The following PRRC2C variants were observed in gnomAD, a reference collection of about 807,000 sequenced individuals.
PRRC2C encodes the protein protein PRRC2C.
A neutral mutation model predicts 317.2 loss-of-function variants in PRRC2C; 72 were observed. The observed-to-expected ratio is 0.23, with a 90% confidence interval of 0.19 to 0.28. PRRC2C has a LOEUF of 0.28. Ranked by LOEUF, PRRC2C falls within the 10% of genes least tolerant of loss-of-function variation. The pLI is 1.00. For synonymous variants in PRRC2C, 1,296 were observed against 1,205.9 expected (o/e 1.07, Z -1.55); for missense variants, 3,074 against 3,459.7 (o/e 0.89, Z 2.80).
At chr1:171,546,528 T>C (rs1002475441) in intron 17 of PRRC2C, among the ~76,000 whole-genome samples, 1 of 152,234 alleles carries the variant, frequency 6.6e-6, no homozygotes, top group Non-Finnish European at 1.5e-5. Context: ...TGACCAGTGG[T>C]TCTCAAAGTG....
chr1:171,499,438 T>C (rs1205392208), intron 1 of PRRC2C, among the ~76,000 whole-genome samples: 2 of 152,200 alleles, frequency 1.3e-5, no homozygotes, highest in East Asian at 3.9e-4. Flanking sequence ...TTACTGATAA[T>C]ATTTGAAGCA....
intron 28 of PRRC2C, among the ~76,000 whole-genome samples, chr1:171,582,865 A>AT (rs913604406): frequency 1.3e-5 from 2 of 151,714 alleles, no homozygotes; most frequent in Non-Finnish European, 2.9e-5. Context: ...GTTAAAAAAA[A>AT]AAAAACAAAT....
chr1:171,586,551 TTTTATTTTATTTTA>T (rs1175055048), intron 30 of PRRC2C, among the ~76,000 whole-genome samples: 2 of 93,394 alleles, frequency 2.1e-5, no homozygotes, highest in African/African-American at 8.6e-5. Flanking sequence ...ATGTATTTTA[TTTTATTTTATTTTA>T]TTTTATTTTA....
intron 1 of PRRC2C, among the ~76,000 whole-genome samples, chr1:171,491,345 C>T (rs986623812): frequency 6.6e-6 from 1 of 152,194 alleles, no homozygotes; most frequent in African/African-American, 2.4e-5. Flanking sequence ...AGATGCTGGA[C>T]TGAAGGAAGC....
At chr1:171,521,415 C>G (rs1026052907) in intron 6 of PRRC2C, among the ~76,000 whole-genome samples, 3 of 152,136 alleles carry the variant, frequency 2.0e-5, no homozygotes, top group Non-Finnish European at 2.9e-5. Flanking sequence ...TTTCCCAGAG[C>G]CAAGTTCCTA....
chr1:171,542,043 T>C lies in PRRC2C; in HGVS notation c.4577T>C (p.Val1526Ala). The C allele has an allele frequency of 6.2e-7, 1 of 1,613,046 alleles. No homozygotes were observed. Among genetic ancestry groups the C allele is most frequent in the Non-Finnish European group, 8.5e-7 (1 of 1,179,694 alleles). The change falls in exon 16 of 35, where the codon GTT becomes GCT. Residue 1526 changes from valine to alanine, a missense_variant. By Grantham distance (64) the Val-to-Ala change is moderately conservative. Coordinates refer to ENST00000647382, the MANE Select transcript of PRRC2C (RefSeq NM_001387844.1). ...AATGCTGACTTGAATGCACAAACAG[T>C]TGTAAAGGTTGGAGAGAATGTTCTA... ...KKNADLNAQTVVKVGENVLPP... is the reference protein window; with the variant it reads ...KKNADLNAQTAVKVGENVLPP...
chr1:171,556,177 C>T (rs1041339001), intron 18 of PRRC2C, among the ~76,000 whole-genome samples: 3 of 152,218 alleles, frequency 2.0e-5, no homozygotes, highest in East Asian at 1.9e-4. Context: ...AGTTTGATCT[C>T]GGACTGCTGC....
chr1:171,552,255 T>C (rs1165992606), intron 18 of PRRC2C, among the ~76,000 whole-genome samples: 2 of 152,092 alleles, frequency 1.3e-5, no homozygotes, highest in Non-Finnish European at 2.9e-5. Flanking sequence ...ATGATTTGGC[T>C]CTCTGTTTGT....
At chr1:171,488,975 A>G (rs917344314) in intron 1 of PRRC2C, among the ~76,000 whole-genome samples, 6 of 152,230 alleles carry the variant, frequency 3.9e-5, no homozygotes, top group African/African-American at 1.4e-4. Flanking sequence ...TATGTAGCAT[A>G]CTACATAGCA....
At chr1:171,565,248 T>G (rs1262260077) in intron 20 of PRRC2C, among the ~76,000 whole-genome samples, 1 of 152,200 alleles carries the variant, frequency 6.6e-6, no homozygotes, top group Non-Finnish European at 1.5e-5. Flanking sequence ...GTCTTCTAGA[T>G]TCAATGTCAG....
intron 24 of PRRC2C, 112 bp downstream of exon 24, chr1:171,571,533 A>G: frequency 2.6e-6 from 2 of 756,896 alleles, no homozygotes; most frequent in Non-Finnish European, 4.4e-6. Flanking sequence ...CAACAATACT[A>G]AGCTGAGGAA....
At chr1:171,559,505 G>GT (rs1236663155) in intron 19 of PRRC2C, among the ~76,000 whole-genome samples, 2,602 of 95,112 alleles carry the variant, frequency 0.027, 633 homozygotes, top group Non-Finnish European at 0.032. Context: ...GGCATACCAA[G>GT]TTTGTTTTTT....
At chr1:171,516,842 T>C (rs934764954) in intron 5 of PRRC2C, among the ~76,000 whole-genome samples, 2 of 152,176 alleles carry the variant, frequency 1.3e-5, no homozygotes, top group African/African-American at 4.8e-5. Context: ...GGGCTGCTTA[T>C]GACATGGCTT....
Position 171,558,027 on chromosome 1 carries a change from AT to A in PRRC2C, c.5917del (p.Tyr1973MetfsTer2). On this transcript the variant is annotated frameshift_variant, in exon 19 of 35. Transcript: ENST00000647382. LOFTEE classifies it high-confidence loss of function. ...LPSAQTPNGTDYVASGKSIQT... is the reference protein window; with the variant it reads ...LPSAQTPNGTXYVASGKSIQT... ...TCAGCTCAAACACCTAATGGCACAGATTATGTAGCCTCAGGAAAATCCATCC... is the reference window on the plus strand; with the variant it reads ...TCAGCTCAAACACCTAATGGCACAGATATGTAGCCTCAGGAAAATCCATCC... 1 of 1,613,982 alleles carries A rather than the reference AT, an allele frequency of 6.2e-7. No individual in the cohort carries two copies. Among genetic ancestry groups the A allele is most frequent in the Non-Finnish European group, 8.5e-7 (1 of 1,179,898 alleles).
chr1:171,524,049 A>G (rs1469672303), intron 9 of PRRC2C, among the ~76,000 whole-genome samples: 3 of 149,904 alleles, frequency 2.0e-5, no homozygotes, highest in Non-Finnish European at 4.5e-5. Context: ...AAAAAAAAAG[A>G]TATTTAGATG....
rs1261360983 is a variant in PRRC2C, at chr1:171,512,130, G to A, written c.42G>A (p.Gly14=). ...KSGQSTKAKD[G]KKYATLSLFN... ...GCCAGAGCACAAAAGCAAAGGATGGGAAAAAGTATGCAACACTCAGTTTAT... is the reference window on the plus strand; with the variant it reads ...GCCAGAGCACAAAAGCAAAGGATGGAAAAAAGTATGCAACACTCAGTTTAT... The change falls in exon 2 of 35, where the codon GGG becomes GGA. Residue 14 remains glycine (G), a synonymous_variant. Transcript: ENST00000647382. 1.3e-6 allele frequency: 2 copies of A among 1,580,694 alleles called. No homozygotes were observed. The highest frequency in any genetic ancestry group is 2.3e-5 in the East Asian group (1 of 43,406).
intron 10 of PRRC2C, among the ~76,000 whole-genome samples, chr1:171,527,481 G>A (rs1169940491): frequency 6.6e-6 from 1 of 151,820 alleles, no homozygotes. Flanking sequence ...TTTCAAGCTG[G>A]TGTGGTGGCT....
At chr1:171,531,361 G>C (rs1675830042) in intron 11 of PRRC2C, among the ~76,000 whole-genome samples, 1 of 152,172 alleles carries the variant, frequency 6.6e-6, no homozygotes. Flanking sequence ...GTGTAAATTA[G>C]GCACTAATAT....
chr1:171,551,347 G>T (rs1233929650), intron 18 of PRRC2C, among the ~76,000 whole-genome samples: 1 of 152,142 alleles, frequency 6.6e-6, no homozygotes, highest in Non-Finnish European at 1.5e-5. Flanking sequence ...GTTCATTGTA[G>T]ATTCTGGATA....
Sources: gnomAD v4.1 joint callset for allele counts (sites outside exome capture counted in the v4.1 genomes callset) on GRCh38, gnomAD v4.1.1 for gene constraint, MANE v1.5 for transcripts, NCBI Gene and HGNC (gene_info 2026-07-23, HGNC 2026-07-21) for gene names.